The following ACYP2 variants were observed in gnomAD, a reference collection of about 807,000 sequenced individuals.
ACYP2 encodes acylphosphatase-2.
ACYP2 carries 12 observed loss-of-function variants against 11.2 expected under a neutral mutation model. The observed-to-expected ratio is 1.08, with a 90% CI of 0.69 to 1.74. ACYP2 has a LOEUF of 1.74. Among genes scored for constraint, ACYP2 ranks in the 40% most tolerant of loss-of-function variants. The probability of loss-of-function intolerance (pLI) is 0.00; values close to 1 mark genes in which losing one functional copy is unlikely to be tolerated. For synonymous variants in ACYP2, 43 were observed against 32.2 expected (o/e 1.33, Z -1.13); for missense variants, 134 against 101.9 (o/e 1.31, Z -1.35).
intron 6 of ACYP2, among the ~76,000 whole-genome samples, chr2:54,265,350 T>C (rs547647866): frequency 6.6e-6 from 1 of 152,252 alleles, no homozygotes; most frequent in South Asian, 2.1e-4. Flanking sequence ...TCAGATCTTA[T>C]GAGACTTATT....
At chr2:54,035,018 A>AAAAAAAAAAAAAAAAAAAAAAAGAAC (rs1674808301) in intron 2 of ACYP2, among the ~76,000 whole-genome samples, 1 of 120,504 alleles carries the variant, frequency 8.3e-6, no homozygotes, top group Non-Finnish European at 1.7e-5. Context: ...TCAAAAAAAA[A>AAAAAAAAAAAAAAAAAAAAAAAGAAC]AAAAAAAAAA....
intron 6 of ACYP2, among the ~76,000 whole-genome samples, chr2:54,246,132 G>A (rs114727882): frequency 1.6e-3 from 244 of 152,096 alleles, no homozygotes; most frequent in African/African-American, 5.6e-3. Flanking sequence ...CCCAATTAAC[G>A]TTCTTGGCAT....
chr2:54,057,668 T>A (rs561110513), intron 4 of ACYP2, among the ~76,000 whole-genome samples: 4 of 152,344 alleles, frequency 2.6e-5, no homozygotes, highest in African/African-American at 9.6e-5. Flanking sequence ...TACACTTCTT[T>A]ACTGTTTTAT....
At chr2:54,061,933 C>T (rs747509576) in intron 4 of ACYP2, among the ~76,000 whole-genome samples, 2 of 151,934 alleles carry the variant, frequency 1.3e-5, no homozygotes, top group East Asian at 1.9e-4. Context: ...CTTAACAGGG[C>T]GCAGATTACA....
intron 2 of ACYP2, among the ~76,000 whole-genome samples, chr2:54,046,738 C>T (rs940241631): frequency 6.6e-6 from 1 of 152,090 alleles, no homozygotes; most frequent in Non-Finnish European, 1.5e-5. Flanking sequence ...GGCTTGCACC[C>T]GTTGGTTCAA....
chr2:53,996,413 TG>T (rs1417599104), intron 2 of ACYP2, among the ~76,000 whole-genome samples: 2 of 151,966 alleles, frequency 1.3e-5, no homozygotes, highest in African/African-American at 4.8e-5. Flanking sequence ...CTGATATCTG[TG>T]AAAGGAAAGA....
chr2:54,229,758 T>G (rs919517669), intron 6 of ACYP2, among the ~76,000 whole-genome samples: 22 of 152,230 alleles, frequency 1.4e-4, no homozygotes, highest in African/African-American at 4.3e-4. Context: ...GTAAATACTG[T>G]TAAGAGTCCC....
chr2:53,990,140 G>A (rs1049183063), intron 2 of ACYP2, among the ~76,000 whole-genome samples: 1 of 151,534 alleles, frequency 6.6e-6, no homozygotes, highest in African/African-American at 2.4e-5. Flanking sequence ...CACTACACCT[G>A]GCTAATTTTT....
intron 6 of ACYP2, among the ~76,000 whole-genome samples, chr2:54,256,889 A>C (rs1687566480): frequency 6.6e-6 from 1 of 151,844 alleles, no homozygotes; most frequent in Non-Finnish European, 1.5e-5. Flanking sequence ...GCTGGTCTGA[A>C]CTCCTGGCCT....
At chr2:53,991,104 G>A (rs949319594) in intron 2 of ACYP2, among the ~76,000 whole-genome samples, 2 of 152,112 alleles carry the variant, frequency 1.3e-5, no homozygotes, top group African/African-American at 2.4e-5. Flanking sequence ...TCGAGAATTT[G>A]TGTTTCTAAC....
At chr2:54,211,310 A>T (rs910076587) in intron 6 of ACYP2, among the ~76,000 whole-genome samples, 1 of 152,224 alleles carries the variant, frequency 6.6e-6, no homozygotes, top group East Asian at 1.9e-4. Flanking sequence ...CCAAAACCAA[A>T]TTTCTATGCA....
At chr2:54,297,430 C>T (rs961674896) in intron 6 of ACYP2, among the ~76,000 whole-genome samples, 2 of 152,036 alleles carry the variant, frequency 1.3e-5, no homozygotes, top group Non-Finnish European at 2.9e-5. Flanking sequence ...CTCAGGAGTT[C>T]GAGATTACAG....
intron 4 of ACYP2, among the ~76,000 whole-genome samples, chr2:54,108,902 T>C (rs1273266208): frequency 6.6e-6 from 1 of 152,232 alleles, no homozygotes; most frequent in Non-Finnish European, 1.5e-5. Flanking sequence ...TCTAGATATA[T>C]TCTTTTGCAT....
intron 6 of ACYP2, among the ~76,000 whole-genome samples, chr2:54,266,564 A>C (rs575627968): frequency 0.012 from 1,676 of 136,198 alleles, 33 homozygotes; most frequent in African/African-American, 0.043. Context: ...AGATAGATAG[A>C]TAGATAGATA....
At chr2:54,060,789 C>G (rs1043001784) in intron 4 of ACYP2, among the ~76,000 whole-genome samples, 1 of 152,298 alleles carries the variant, frequency 6.6e-6, no homozygotes, top group Middle Eastern at 3.4e-3. Context: ...GAGTAAAGTG[C>G]TTGGCTGCTT....
chr2:54,163,410 C>T lies in ACYP2; in HGVS notation c.404+24662C>T, dbSNP rs138821964. Among the ~76,000 whole-genome samples, 56 of 152,218 alleles carry T rather than the reference C, an allele frequency of 3.7e-4. No homozygotes were observed. The East Asian group carries it at 8.1e-3, about 22-fold the overall frequency. ...TTTGCCAGGATCTGTCTCTGAGACC[C>T]TCTGTTATAATCAGCAGTGGACACC... is the stretch of plus-strand genomic sequence containing the variant. On this transcript the variant is annotated intron_variant, in intron 6 of 6. Transcript: ENST00000607452.
intron 2 of ACYP2, among the ~76,000 whole-genome samples, chr2:53,983,340 T>C (rs1345493936): frequency 6.6e-6 from 1 of 152,020 alleles, no homozygotes; most frequent in Non-Finnish European, 1.5e-5. Flanking sequence ...ACCCCATCTC[T>C]ACAAAATATA....
chr2:54,101,370 T>C (rs904956922), intron 4 of ACYP2, among the ~76,000 whole-genome samples: 4 of 152,160 alleles, frequency 2.6e-5, no homozygotes, highest in African/African-American at 7.2e-5. Context: ...GAGAGATTTA[T>C]AACTTAAGAA....
intron 6 of ACYP2, among the ~76,000 whole-genome samples, chr2:54,231,442 C>T (rs955541538): frequency 2.6e-5 from 4 of 152,150 alleles, no homozygotes; most frequent in African/African-American, 9.7e-5. Context: ...TCATATAATT[C>T]ATGTGCATTT....
Sources: allele counts gnomAD v4.1 joint callset (sites outside exome capture counted in the v4.1 genomes callset), GRCh38; gene constraint gnomAD v4.1.1; transcripts MANE v1.5; gene names NCBI Gene and HGNC (gene_info 2026-07-23, HGNC 2026-07-21).